Variants in RAD51B observed in about 807,000 individuals in gnomAD.
RAD51B encodes the protein RAD51 paralog B, also known as DNA repair protein RAD51 homolog 2.
Under a neutral mutation model 42.2 loss-of-function variants are expected in RAD51B, and 38 were observed. The observed-to-expected ratio is 0.90, with a 90% CI of 0.70 to 1.18. The LOEUF is 1.18. RAD51B is among the 50% of genes most tolerant of loss of function. RAD51B has a pLI of 0.00. For synonymous variants in RAD51B, 154 were observed against 145.2 expected (o/e 1.06, Z -0.43); for missense variants, 373 against 400.7 (o/e 0.93, Z 0.59).
chr14:68,631,989 G>C (rs777096001), intron 10 of RAD51B, among the ~76,000 whole-genome samples: 1 of 152,156 alleles, frequency 6.6e-6, no homozygotes, highest in Non-Finnish European at 1.5e-5. Flanking sequence ...AGTGAAGCAG[G>C]CCAGGAAGGA....
intron 10 of RAD51B, among the ~76,000 whole-genome samples, chr14:68,539,221 T>G (rs1348284536): frequency 1.3e-5 from 2 of 152,138 alleles, no homozygotes; most frequent in African/African-American, 4.8e-5. Flanking sequence ...GTGCAATGGA[T>G]TTTCTCACTT....
chr14:68,673,501 C>CAT (rs557676668), intron 11 of RAD51B, among the ~76,000 whole-genome samples: 17,896 of 151,724 alleles, frequency 0.12, 1,187 homozygotes, highest in Middle Eastern at 0.19. Context: ...ACTGTACACA[C>CAT]ATGTATGTAC....
intron 7 of RAD51B, among the ~76,000 whole-genome samples, chr14:68,089,326 A>G (rs868640407): frequency 6.6e-5 from 10 of 152,136 alleles, no homozygotes; most frequent in African/African-American, 2.4e-4. Context: ...TCTCCTGTTC[A>G]TGACTCATTA....
chr14:68,547,242 G>A (rs998110110), intron 10 of RAD51B, among the ~76,000 whole-genome samples: 5 of 152,320 alleles, frequency 3.3e-5, no homozygotes, highest in South Asian at 4.1e-4. Context: ...TGATTCACAC[G>A]TGAGTGCTGA....
chr14:68,398,911 T>C (rs1198623816), intron 8 of RAD51B, among the ~76,000 whole-genome samples: 1 of 152,200 alleles, frequency 6.6e-6, no homozygotes, highest in African/African-American at 2.4e-5. Context: ...TTTCAAATGT[T>C]AGCATATATT....
chr14:68,576,969 C>T (rs925792185), intron 10 of RAD51B, among the ~76,000 whole-genome samples: 3 of 152,180 alleles, frequency 2.0e-5, no homozygotes, highest in Non-Finnish European at 4.4e-5. Flanking sequence ...AGGGGCATTC[C>T]GTTTGTGGTT....
rs1348304258 is a variant in RAD51B, at chr14:68,160,080, A to G, written c.757-131804A>G. Among the ~76,000 whole-genome samples the G allele has an allele frequency of 5.1e-5, 4 of 79,192 alleles. No homozygotes were observed. The East Asian group carries it at 2.3e-3, about 46-fold the overall frequency. The allele number at this position is 79,192 out of a possible 152,430, so 52.0% of individuals were successfully genotyped here. On this transcript the variant is annotated intron_variant, in intron 7 of 10. Transcript: ENST00000471583. ...AAAAAAATCACCCTCAACCTGGGTT[A>G]TTTTCACTGACAGACTTCATGGTTA...
intron 7 of RAD51B, among the ~76,000 whole-genome samples, chr14:68,100,577 C>G (rs2077272144): frequency 6.6e-6 from 1 of 152,050 alleles, no homozygotes; most frequent in African/African-American, 2.4e-5. Flanking sequence ...TACTTGACAC[C>G]CCTTATTTAC....
At chr14:68,428,905 CT>C (rs1234975362) in intron 9 of RAD51B, among the ~76,000 whole-genome samples, 4 of 149,700 alleles carry the variant, frequency 2.7e-5, no homozygotes, top group African/African-American at 7.4e-5. Flanking sequence ...TCCCTCCCCA[CT>C]CCCCCCACCC....
At chr14:68,280,748 A>G (rs1480538702) in intron 7 of RAD51B, among the ~76,000 whole-genome samples, 1 of 152,196 alleles carries the variant, frequency 6.6e-6, no homozygotes, top group Admixed American at 6.5e-5. Flanking sequence ...GTTACTTGGT[A>G]TTGATTCTAA....
At chr14:68,333,983 T>C (rs2082399087) in intron 8 of RAD51B, among the ~76,000 whole-genome samples, 1 of 152,204 alleles carries the variant, frequency 6.6e-6, no homozygotes, top group African/African-American at 2.4e-5. Context: ...TCTACTTCTA[T>C]GTAATCAACT....
At chr14:68,103,996 G>T (rs1169331102) in intron 7 of RAD51B, among the ~76,000 whole-genome samples, 3 of 152,168 alleles carry the variant, frequency 2.0e-5, no homozygotes, top group Non-Finnish European at 2.9e-5. Flanking sequence ...TCAGGGAATA[G>T]AACTTACCCA....
chr14:68,638,906 G>A (rs1892398420), intron 10 of RAD51B, among the ~76,000 whole-genome samples: 1 of 152,142 alleles, frequency 6.6e-6, no homozygotes, highest in Non-Finnish European at 1.5e-5. Flanking sequence ...GATGCACGTC[G>A]GGTACTCAAA....
chr14:68,515,179 T>C (rs1161057331), intron 10 of RAD51B, among the ~76,000 whole-genome samples: 1 of 152,240 alleles, frequency 6.6e-6, no homozygotes, highest in Non-Finnish European at 1.5e-5. Context: ...AGTTTAATAA[T>C]TTATTTTTAA....
chr14:67,887,166 T>C lies in RAD51B; in HGVS notation c.718T>C (p.Ser240Pro), dbSNP rs2140055026. The change falls in exon 7 of 11, where the codon TCC (serine) becomes CCC (proline). Residue 240 changes from serine to proline, a missense_variant. Ser to Pro is a moderately conservative substitution (Grantham distance 74, BLOSUM62 -1). Coordinates refer to ENST00000471583, the MANE Select transcript of RAD51B (RefSeq NM_133510.4). Reference protein sequence around the residue: ...ERNKFLAREASSLKYLAEEFS... With the variant: ...ERNKFLAREAPSLKYLAEEFS... ...AAACAAGTTCTTGGCAAGAGAGGCA[T>C]CCTCCTTGAAGTATTTGGCTGAGGA... The C allele has an allele frequency of 1.2e-6, 2 of 1,612,248 alleles. No homozygotes were observed. The highest frequency in any genetic ancestry group is 2.2e-5 in the South Asian group (2 of 90,728).
intron 10 of RAD51B, among the ~76,000 whole-genome samples, chr14:68,642,691 G>A (rs559164195): frequency 3.9e-5 from 6 of 152,222 alleles, no homozygotes; most frequent in Admixed American, 3.9e-4. Context: ...TTTCCCAGAT[G>A]GAAGCTTAGG....
intron 7 of RAD51B, among the ~76,000 whole-genome samples, chr14:68,144,618 C>T (rs1490142827): frequency 2.6e-5 from 4 of 152,168 alleles, no homozygotes; most frequent in African/African-American, 7.2e-5. Flanking sequence ...ACTTCGTTAA[C>T]TATCTTGCCC....
rs577256774 is a variant in RAD51B at position 68,356,907 on chromosome 14, C to T, written c.854-54517C>T. On this transcript the variant is annotated intron_variant, in intron 8 of 10. Coordinates refer to ENST00000471583, the MANE Select transcript of RAD51B (RefSeq NM_133510.4). ...CTGAGGCAGGAGAATGGCATGAACC[C>T]GGGAGGCGGAGCTTGCAGTGAGCCG... is the stretch of plus-strand genomic sequence containing the variant. Among the ~76,000 whole-genome samples, 14 of 138,586 alleles carry T rather than the reference C, an allele frequency of 1.0e-4. 1 individual carries two copies. The highest frequency in any genetic ancestry group is 3.2e-4 in the African/African-American group (12 of 37,820). 90.9% of individuals were successfully genotyped at this position (138,586 alleles called of 152,430 possible).
intron 5 of RAD51B, among the ~76,000 whole-genome samples, chr14:67,881,954 A>G (rs2042920280): frequency 6.6e-6 from 1 of 152,080 alleles, no homozygotes; most frequent in Non-Finnish European, 1.5e-5. Context: ...CTTTTTCTTG[A>G]AAAGCTCTCT....
Sources: allele counts gnomAD v4.1 joint callset (sites outside exome capture counted in the v4.1 genomes callset), GRCh38; gene constraint gnomAD v4.1.1; transcripts MANE v1.5; gene names NCBI Gene and HGNC (gene_info 2026-07-23, HGNC 2026-07-21).